The following LIN52 variants were observed in gnomAD, a reference collection of about 807,000 sequenced individuals.
The protein encoded by LIN52 is lin-52 DREAM MuvB core complex component.
In LIN52, 4 loss-of-function variants were observed where a neutral mutation model predicts 18.5. That is an observed-to-expected ratio of 0.22 (90% CI 0.11 to 0.49). The LOEUF is 0.49. Among genes scored for constraint, LIN52 ranks in the 20% least tolerant of loss-of-function variants. The pLI is 0.97. For missense variants in LIN52, 102 were observed against 139.5 expected (o/e 0.73, Z 1.35); for synonymous variants, 34 against 45.5 (o/e 0.75, Z 1.02).
intron 5 of LIN52, among the ~76,000 whole-genome samples, chr14:74,124,810 C>CAAAAAAAAAAAAA (rs5809648): frequency 1.7e-5 from 1 of 59,440 alleles, no homozygotes; most frequent in African/African-American, 6.7e-5. Flanking sequence ...GACCCTGTCT[C>CAAAAAAAAAAAAA]AAAAAAAAAA....
At chr14:74,188,383 G>T (rs2061349223) in intron 5 of LIN52, among the ~76,000 whole-genome samples, 1 of 152,020 alleles carries the variant, frequency 6.6e-6, no homozygotes, top group African/African-American at 2.4e-5. Context: ...CAAGACATTT[G>T]ATGTATCTTG....
At chr14:74,150,343 A>G (rs1305537453) in intron 5 of LIN52, among the ~76,000 whole-genome samples, 2 of 152,250 alleles carry the variant, frequency 1.3e-5, no homozygotes, top group Non-Finnish European at 2.9e-5. Flanking sequence ...CTGTATAGCC[A>G]TGAAAATGAA....
intron 5 of LIN52, among the ~76,000 whole-genome samples, chr14:74,142,196 C>CT (rs1285812169): frequency 3.3e-5 from 5 of 152,074 alleles, no homozygotes; most frequent in South Asian, 2.1e-4. Flanking sequence ...CATTGCAAGT[C>CT]TTTTTTTTAA....
chr14:74,180,158 G>C (rs1174177339), intron 5 of LIN52, among the ~76,000 whole-genome samples: 1 of 152,038 alleles, frequency 6.6e-6, no homozygotes, highest in Non-Finnish European at 1.5e-5. Flanking sequence ...AAGATCTTGT[G>C]GGGGAAAGTA....
At chr14:74,137,688 C>T (rs190833855) in intron 5 of LIN52, among the ~76,000 whole-genome samples, 1 of 151,704 alleles carries the variant, frequency 6.6e-6, no homozygotes. Context: ...TTAGTAGAGA[C>T]GGGGTTTCAC....
chr14:74,103,266 ATGGGGTTTCACCC>A (rs1163865274), intron 5 of LIN52, among the ~76,000 whole-genome samples: 1 of 151,906 alleles, frequency 6.6e-6, no homozygotes, highest in Non-Finnish European at 1.5e-5. Flanking sequence ...TTTAGTAGAG[ATGGGGTTTCACCC>A]TGGTGGCCAG....
chr14:74,137,174 T>A lies in LIN52; in HGVS notation c.283+35936T>A, dbSNP rs546018354. Among the ~76,000 whole-genome samples, 167 of 145,756 alleles carry A rather than the reference T, an allele frequency of 1.1e-3. 1 individual carries two copies. The highest frequency in any genetic ancestry group is 3.5e-3 in the African/African-American group (142 of 40,214). On this transcript the variant is annotated intron_variant, in intron 5 of 5. Transcript: ENST00000555028. ...TATATGAATATATATATATATATAT[T>A]TTTTTAATCTATATTACGTATTGAT...
intron 5 of LIN52, among the ~76,000 whole-genome samples, chr14:74,193,599 G>A (rs4903202): frequency 0.6 from 91,938 of 152,082 alleles, 28,840 homozygotes; most frequent in Admixed American, 0.69. Context: ...TTTCCCACCA[G>A]GCATCCTATT....
chr14:74,156,612 C>T (rs1457665318), intron 5 of LIN52, among the ~76,000 whole-genome samples: 1 of 152,144 alleles, frequency 6.6e-6, no homozygotes, highest in Non-Finnish European at 1.5e-5. Flanking sequence ...CTAGTATATC[C>T]ATCACCTCAA....
At chr14:74,111,734 G>C (rs1288787692) in intron 5 of LIN52, among the ~76,000 whole-genome samples, 1 of 151,602 alleles carries the variant, frequency 6.6e-6, no homozygotes, top group Non-Finnish European at 1.5e-5. Flanking sequence ...TAAATTAATA[G>C]TCCTTGACTG....
At chr14:74,181,107 C>CAAAAAAAA (rs149099646) in intron 5 of LIN52, among the ~76,000 whole-genome samples, 11 of 96,086 alleles carry the variant, frequency 1.1e-4, no homozygotes, top group South Asian at 7.6e-4. Flanking sequence ...GACTCTGTCT[C>CAAAAAAAA]AAAAAAAAAA....
intron 5 of LIN52, among the ~76,000 whole-genome samples, chr14:74,130,467 A>T (rs139792394): frequency 1.3e-5 from 2 of 150,886 alleles, no homozygotes; most frequent in East Asian, 3.9e-4. Flanking sequence ...TAGTAGAGAC[A>T]GGGTTTCATC....
chr14:74,144,754 G>A (rs548311575), intron 5 of LIN52, among the ~76,000 whole-genome samples: 113 of 152,268 alleles, frequency 7.4e-4, no homozygotes, highest in African/African-American at 2.6e-3. Context: ...GTTACCGTTT[G>A]GGCCTTTGGT....
chr14:74,100,887 G>A (rs1489903959), intron 4 of LIN52, among the ~76,000 whole-genome samples: 38 of 152,186 alleles, frequency 2.5e-4, no homozygotes, highest in Non-Finnish European at 7.3e-5. Context: ...GGGACTGAAG[G>A]CATGTGCTAC....
chr14:74,197,986 C>T (rs886820440), intron 5 of LIN52, among the ~76,000 whole-genome samples: 2 of 152,170 alleles, frequency 1.3e-5, no homozygotes, highest in African/African-American at 4.8e-5. Context: ...TGGGAGACCA[C>T]ACAGCCTACC....
intron 5 of LIN52, among the ~76,000 whole-genome samples, chr14:74,148,787 T>C (rs1463943812): frequency 1.3e-5 from 2 of 152,190 alleles, no homozygotes; most frequent in Non-Finnish European, 2.9e-5. Flanking sequence ...TATAGATCAG[T>C]ATGTTAAGGG....
At chr14:74,096,352 G>A (rs917067716) in intron 3 of LIN52, among the ~76,000 whole-genome samples, 4 of 151,904 alleles carry the variant, frequency 2.6e-5, no homozygotes, top group African/African-American at 4.8e-5. Context: ...GAGCCACCGC[G>A]CCTGGCCTTT....
chr14:74,166,430 G>A (rs944957685), intron 5 of LIN52, among the ~76,000 whole-genome samples: 9 of 151,322 alleles, frequency 5.9e-5, no homozygotes, highest in Admixed American at 2.0e-4. Flanking sequence ...GGTCAGGCTG[G>A]TCGCGAACTC....
intron 5 of LIN52, among the ~76,000 whole-genome samples, chr14:74,188,179 G>A (rs2061348504): frequency 1.3e-5 from 2 of 152,040 alleles, no homozygotes; most frequent in South Asian, 4.2e-4. Flanking sequence ...AACCCAGATT[G>A]TAATTTTACA....
Sources: gnomAD v4.1 joint callset for allele counts (sites outside exome capture counted in the v4.1 genomes callset) on GRCh38, gnomAD v4.1.1 for gene constraint, MANE v1.5 for transcripts, NCBI Gene and HGNC (gene_info 2026-07-23, HGNC 2026-07-21) for gene names.